The following EBF3 variants were observed in gnomAD, a reference collection of about 807,000 sequenced individuals.
EBF3 encodes the protein transcription factor COE3.
Under a neutral mutation model 77.1 loss-of-function variants are expected in EBF3, and 18 were observed. The ratio of observed to expected loss-of-function variants is 0.23; its 90% CI spans 0.16 to 0.35. The LOEUF (loss-of-function observed/expected upper bound fraction) is 0.35, where lower values mean the gene tolerates loss of function less well. EBF3 is among the 10% of genes least tolerant of loss of function. EBF3 has a pLI of 1.00. For synonymous variants in EBF3, 350 were observed against 343.5 expected (o/e 1.02, Z -0.21); for missense variants, 558 against 860.0 (o/e 0.65, Z 4.39).
chr10:129,927,566 G>T (rs1437234642), intron 6 of EBF3, among the ~76,000 whole-genome samples: 1 of 152,164 alleles, frequency 6.6e-6, no homozygotes, highest in Non-Finnish European at 1.5e-5. Flanking sequence ...CCCTGGCAAC[G>T]ACGGGGAGCT....
At chr10:129,895,633 A>G (rs1311139534) in intron 6 of EBF3, among the ~76,000 whole-genome samples, 1 of 152,194 alleles carries the variant, frequency 6.6e-6, no homozygotes, top group African/African-American at 2.4e-5. Context: ...AGTCCTGAGG[A>G]CCCTGGTAGG....
intron 6 of EBF3, among the ~76,000 whole-genome samples, chr10:129,911,477 C>T (rs1855520116): frequency 6.6e-6 from 1 of 152,182 alleles, no homozygotes; most frequent in Non-Finnish European, 1.5e-5. Context: ...ATTCTCCAAT[C>T]ACTTCCCTCT....
intron 11 of EBF3, among the ~76,000 whole-genome samples, chr10:129,843,756 T>TG (rs1850258113): frequency 1.3e-5 from 2 of 152,252 alleles, no homozygotes; most frequent in South Asian, 4.1e-4. Flanking sequence ...TGAATTAACT[T>TG]GGGTTAATCT....
intron 10 of EBF3, among the ~76,000 whole-genome samples, chr10:129,855,999 G>C (rs1589715325): frequency 6.6e-6 from 1 of 152,254 alleles, no homozygotes; most frequent in Non-Finnish European, 1.5e-5. Context: ...GTTGAGGACA[G>C]AGGCATCCCT....
Position 129,848,490 on chromosome 10 carries a change from G to A in EBF3, c.1040-10C>T, listed in dbSNP as rs945359404. ...GTTGGTTCATTAAGGGCTGCAACAGGACACAGAAATGTAGATCAGGTTAAT... is the reference window on the plus strand; with the variant it reads ...GTTGGTTCATTAAGGGCTGCAACAGAACACAGAAATGTAGATCAGGTTAAT... On this transcript the variant is annotated splice_polypyrimidine_tract_variant and intron_variant, in intron 10 of 16. Transcript: ENST00000440978. This position sits in a 1 kb window ranked among gnomAD's most constrained non-coding sequence, Gnocchi z 4.4. 1.9e-6 allele frequency: 3 copies of A among 1,613,972 alleles called. No individual in the cohort carries two copies. Among genetic ancestry groups the A allele is most frequent in the East Asian group, 2.2e-5 (1 of 44,884 alleles).
intron 6 of EBF3, among the ~76,000 whole-genome samples, chr10:129,911,695 G>A (rs1855535987): frequency 6.6e-6 from 1 of 152,120 alleles, no homozygotes; most frequent in African/African-American, 2.4e-5. Flanking sequence ...ATTCAGAACC[G>A]TGTATGCCAA....
intron 10 of EBF3, among the ~76,000 whole-genome samples, chr10:129,865,793 G>A (rs1215519560): frequency 6.6e-6 from 1 of 152,224 alleles, no homozygotes; most frequent in Non-Finnish European, 1.5e-5. Flanking sequence ...GAAAGCAGAG[G>A]GGGCTTAGCA....
In EBF3 at chr10:129,923,684, T is replaced by C. The variant is rs561198983; in HGVS notation, c.554+33574A>G. Among the ~76,000 whole-genome samples, 183 of 152,222 alleles carry C rather than the reference T, an allele frequency of 1.2e-3. 1 individual carries two copies. The highest frequency in any genetic ancestry group is 3.5e-3 in the African/African-American group (147 of 41,558). On this transcript the variant is annotated intron_variant, in intron 6 of 16. Coordinates refer to ENST00000440978, the MANE Select transcript of EBF3 (RefSeq NM_001375380.1). The stretch of plus-strand genomic sequence containing the variant: ...GACCTAAAAGTGAGACCCAAAACCA[T>C]AAAACTCTTAAAAGAAAACAGAGGG...
rs1484386754 is a variant in EBF3, at chr10:129,935,127, AG to A, written c.554+22130del. Among the ~76,000 whole-genome samples the A allele has an allele frequency of 6.6e-6, 1 of 152,174 alleles. No individual in the cohort carries two copies. The highest frequency in any genetic ancestry group is 1.5e-5 in the Non-Finnish European group (1 of 68,036). On this transcript the variant is annotated intron_variant, in intron 6 of 16. Coordinates refer to ENST00000440978, the MANE Select transcript of EBF3 (RefSeq NM_001375380.1). The surrounding 1 kb of genome is among the most constrained non-coding windows in gnomAD (Gnocchi z 4.2). ...CGGTTCCCTAAGAACCGGACCCTCT[AG>A]TGGATCATGATGTGGATGCATTTTC...
Position 129,848,721 on chromosome 10 carries a change from A to G in EBF3, c.1040-241T>C, listed in dbSNP as rs115532127. On this transcript the variant is annotated intron_variant, in intron 10 of 16. Coordinates refer to ENST00000440978, the MANE Select transcript of EBF3 (RefSeq NM_001375380.1). The surrounding 1 kb of genome is among the most constrained non-coding windows in gnomAD (Gnocchi z 4.4). ...AGAAAGTCAAAGGGTGACTCAATAT[A>G]TTGTAAAAATGGTAGTGCAGTCACA... Among the ~76,000 whole-genome samples the G allele has an allele frequency of 8.6e-4, 131 of 152,320 alleles. No individual in the cohort carries two copies. The highest frequency in any genetic ancestry group is 2.1e-3 in the African/African-American group (86 of 41,574).
At chr10:129,956,213 C>A (rs1419666226) in intron 6 of EBF3, among the ~76,000 whole-genome samples, 2 of 152,172 alleles carry the variant, frequency 1.3e-5, no homozygotes, top group Non-Finnish European at 2.9e-5. Context: ...TGGAGTTTTC[C>A]GGGTTTAATT....
chr10:129,963,168 T>G lies in EBF3; in HGVS notation c.292-163A>C, dbSNP rs1391804714. On this transcript the variant is annotated intron_variant, in intron 2 of 16. Coordinates refer to ENST00000440978, the MANE Select transcript of EBF3 (RefSeq NM_001375380.1). This position sits in a 1 kb window ranked among gnomAD's most constrained non-coding sequence, Gnocchi z 7.1. ...CTTTCCTGCTGGAAGCCCAGCGTTCTCCTCGCCCCGAGTAAGTCCGAGGGC... is the reference window on the plus strand; with the variant it reads ...CTTTCCTGCTGGAAGCCCAGCGTTCGCCTCGCCCCGAGTAAGTCCGAGGGC... Among the ~76,000 whole-genome samples the G allele has an allele frequency of 6.6e-6, 1 of 152,122 alleles. No individual in the cohort carries two copies. The highest frequency in any genetic ancestry group is 6.5e-5 in the Admixed American group (1 of 15,282).
In EBF3 at chr10:129,938,356, A is replaced by G. The variant is rs1589909006; in HGVS notation, c.554+18902T>C. On this transcript the variant is annotated intron_variant, in intron 6 of 16. Transcript: ENST00000440978. This position sits in a 1 kb window ranked among gnomAD's most constrained non-coding sequence, Gnocchi z 5.1. ...GGAGTTCAACACCAGCCTGGGCAAC[A>G]TGGCAAAACCCCATCTCTATTTAAA... 6.7e-6 allele frequency among the ~76,000 whole-genome samples: 1 copy of G among 149,680 alleles called. No homozygotes were observed. The highest frequency in any genetic ancestry group is 1.5e-5 in the Non-Finnish European group (1 of 67,630).
chr10:129,942,316 C>T (rs1857814935), intron 6 of EBF3, among the ~76,000 whole-genome samples: 1 of 152,116 alleles, frequency 6.6e-6, no homozygotes, highest in Non-Finnish European at 1.5e-5. Context: ...CTTCCCAAGA[C>T]AGTAATATAA....
intron 5 of EBF3, among the ~76,000 whole-genome samples, chr10:129,958,337 G>A (rs1859196368): frequency 6.6e-6 from 1 of 152,166 alleles, no homozygotes; most frequent in Non-Finnish European, 1.5e-5. Flanking sequence ...AGTCAATGAT[G>A]CATTTTTATT....
intron 6 of EBF3, among the ~76,000 whole-genome samples, chr10:129,955,227 A>G (rs1170635372): frequency 6.6e-6 from 1 of 152,190 alleles, no homozygotes; most frequent in Non-Finnish European, 1.5e-5. Flanking sequence ...CATTTCATAA[A>G]ACTACCCTCA....
At chr10:129,957,512 G>A (rs1056687457) in intron 5 of EBF3, among the ~76,000 whole-genome samples, 186 bp from the exon 6 acceptor site, 2 of 151,940 alleles carry the variant, frequency 1.3e-5, no homozygotes, top group East Asian at 1.9e-4. Flanking sequence ...ACTTTCTACC[G>A]GAAGGAGCAA....
At chr10:129,886,230 G>C (rs1266227833) in intron 6 of EBF3, among the ~76,000 whole-genome samples, 1 of 152,194 alleles carries the variant, frequency 6.6e-6, no homozygotes, top group African/African-American at 2.4e-5. Context: ...GAGGACACCA[G>C]TGTTGGACCT....
intron 6 of EBF3, among the ~76,000 whole-genome samples, chr10:129,928,210 C>T (rs959593439): frequency 3.3e-5 from 5 of 152,148 alleles, no homozygotes; most frequent in African/African-American, 9.7e-5. Flanking sequence ...TTTAAAAGCA[C>T]GTTTACGATC....
Sources: gnomAD v4.1 joint callset for allele counts (sites outside exome capture counted in the v4.1 genomes callset) on GRCh38, gnomAD v4.1.1 for gene constraint, Gnocchi (gnomAD v3.1) non-coding constraint, MANE v1.5 for transcripts, NCBI Gene and HGNC (gene_info 2026-07-23, HGNC 2026-07-21) for gene names.